TRIO: variants seen among roughly 807,000 people sequenced by gnomAD.
TRIO encodes the protein trio Rho guanine nucleotide exchange factor.
In TRIO, 58 loss-of-function variants were observed where a neutral mutation model predicts 351.9. The ratio of observed to expected loss-of-function variants is 0.16; its 90% CI spans 0.13 to 0.21. The LOEUF (loss-of-function observed/expected upper bound fraction) is 0.21, where lower values mean the gene tolerates loss of function less well. TRIO is among the 10% of genes least tolerant of loss of function. TRIO has a pLI of 1.00. For synonymous variants in TRIO, 1,758 were observed against 1,595.7 expected, an observed-to-expected ratio of 1.10 and a Z score of -2.42; for missense variants, 3,201 against 4,027.8, an observed-to-expected ratio of 0.79 and a Z score of 5.56.
At chr5:14,381,099 C>T (rs377547652) in intron 20 of TRIO, 31 bp from the exon 21 acceptor site, 4 of 1,605,968 alleles carry the variant, frequency 2.5e-6, no homozygotes, top group African/African-American at 2.7e-5. Context: ...ATGTGTAGCC[C>T]TCTGACTCCA....
chr5:14,166,723 C>T (rs1788785814), intron 1 of TRIO, among the ~76,000 whole-genome samples: 1 of 152,142 alleles, frequency 6.6e-6, no homozygotes, highest in Non-Finnish European at 1.5e-5. Context: ...GACGTGGTAA[C>T]TATTGAGCCA....
In TRIO at chr5:14,207,332, A is replaced by T. The variant is rs1460053436; in HGVS notation, c.157+63450A>T. On this transcript the variant is annotated intron_variant, in intron 1 of 56. Coordinates refer to ENST00000344204, the MANE Select transcript of TRIO (RefSeq NM_007118.4). ...AAGACTGTCTCTCACACACACACACACACACACACACACACACACACACAC... is the reference window on the plus strand; with the variant it reads ...AAGACTGTCTCTCACACACACACACTCACACACACACACACACACACACAC... Among the ~76,000 whole-genome samples, 9 of 65,600 alleles carry T rather than the reference A, an allele frequency of 1.4e-4. 2 individuals are homozygous for T. The highest frequency in any genetic ancestry group is 7.7e-3 in the Middle Eastern group (1 of 130). 43.0% of individuals were successfully genotyped at this position (65,600 alleles called of 152,430 possible).
At chr5:14,455,957 C>G (rs779737840) in intron 34 of TRIO, among the ~76,000 whole-genome samples, 1 of 152,228 alleles carries the variant, frequency 6.6e-6, no homozygotes, top group Admixed American at 6.5e-5. Flanking sequence ...TGCGTGGGAG[C>G]CCACCGCAGT....
rs77092330 is a variant in TRIO, at chr5:14,287,189, T to C, written c.540+126T>C. ...ACAGGAGCTGCATATCTTACGAACA[T>C]GTGATACGTAAAATTAGTTACTGCA... On this transcript the variant is annotated intron_variant, in intron 4 of 56. Transcript: ENST00000344204. The C allele has an allele frequency of 1.3e-3, 1,176 of 891,344 alleles. 15 individuals are homozygous for C. The African/African-American group carries it at 0.018, about 14-fold the overall frequency. The allele number at this position is 891,344 out of a possible 1,614,324, so 55.2% of individuals were successfully genotyped here. A position where few individuals can be genotyped will look rare whatever the true frequency, so the allele number is the denominator to read the frequency against.
intron 6 of TRIO, among the ~76,000 whole-genome samples, chr5:14,295,145 A>G (rs1370209131): frequency 1.3e-5 from 2 of 152,188 alleles, no homozygotes; most frequent in African/African-American, 2.4e-5. Context: ...TTTAACCTTC[A>G]GCCCCTTCTG....
At position 14,508,428 on chromosome 5, in the gene TRIO, C is replaced by G. The variant is rs776564361; in HGVS notation, c.*6C>G. 1 of 1,574,872 alleles carries G rather than the reference C, an allele frequency of 6.3e-7. No homozygotes were observed. The highest frequency in any genetic ancestry group is 8.6e-7 in the Non-Finnish European group (1 of 1,160,450). ...GGCTTCTGCCTAGAGTTTGACCTAT[C>G]CAGAAGTTCTTTCTCATTCTCTTTC... On this transcript the variant is annotated 3_prime_UTR_variant, in exon 57 of 57. Transcript: ENST00000344204.
intron 2 of TRIO, among the ~76,000 whole-genome samples, chr5:14,275,900 TTATA>T (rs967979926): frequency 2.0e-5 from 3 of 147,472 alleles, no homozygotes; most frequent in Middle Eastern, 3.3e-3. Flanking sequence ...ATATATGTGT[TTATA>T]TATATGTCTA....
At chr5:14,409,903 C>T (rs998303587) in intron 33 of TRIO, among the ~76,000 whole-genome samples, 1 of 151,994 alleles carries the variant, frequency 6.6e-6, no homozygotes, top group African/African-American at 2.4e-5. Flanking sequence ...CCTCTCCAGC[C>T]CCGCTCCTGG....
chr5:14,193,210 C>T (rs987239904), intron 1 of TRIO, among the ~76,000 whole-genome samples: 2 of 152,076 alleles, frequency 1.3e-5, no homozygotes, highest in Admixed American at 6.6e-5. Context: ...AGCAATATAT[C>T]GTGACACAAA....
intron 34 of TRIO, among the ~76,000 whole-genome samples, chr5:14,445,641 G>A (rs1304117439): frequency 6.6e-6 from 1 of 152,182 alleles, no homozygotes; most frequent in Non-Finnish European, 1.5e-5. Flanking sequence ...ATCAGCATGA[G>A]AAGACTAGAA....
rs145117120 is a variant in TRIO at position 14,270,946 on chromosome 5, A to G, written c.232+47A>G. The G allele has an allele frequency of 5.6e-4, 766 of 1,358,332 alleles. 3 individuals carry two copies. The African/African-American group carries it at 9.2e-3, about 16-fold the overall frequency. The allele number at this position is 1,358,332 out of a possible 1,614,324, so 84.1% of individuals were successfully genotyped here. On this transcript the variant is annotated intron_variant, in intron 2 of 56. Transcript: ENST00000344204. ...TGCTCTATCCAACTGCTCTGACACA[A>G]TTTCAGAGTCTGACGTAATAAATGA...
At chr5:14,358,583 C>A (rs1403562893) in intron 12 of TRIO, among the ~76,000 whole-genome samples, 2 of 152,134 alleles carry the variant, frequency 1.3e-5, no homozygotes, top group Admixed American at 1.3e-4. Context: ...ATAACATCGA[C>A]TAATAAACCA....
intron 1 of TRIO, among the ~76,000 whole-genome samples, chr5:14,202,237 A>G (rs1015028319): frequency 2.7e-5 from 4 of 150,154 alleles, no homozygotes; most frequent in African/African-American, 9.8e-5. Flanking sequence ...GGCTTGTCCA[A>G]CCCATGGACC....
At chr5:14,234,265 A>G (rs1421286469) in intron 1 of TRIO, among the ~76,000 whole-genome samples, 1 of 152,194 alleles carries the variant, frequency 6.6e-6, no homozygotes, top group Non-Finnish European at 1.5e-5. Context: ...AGTACAGTTC[A>G]GTGGTGATAG....
chr5:14,358,983 G>A (rs1041716068), intron 12 of TRIO, among the ~76,000 whole-genome samples: 6 of 152,134 alleles, frequency 3.9e-5, no homozygotes, highest in Non-Finnish European at 8.8e-5. Flanking sequence ...TTAATTGATT[G>A]CATTAAAGGT....
chr5:14,445,713 A>G (rs1752387802), intron 34 of TRIO, among the ~76,000 whole-genome samples: 1 of 152,208 alleles, frequency 6.6e-6, no homozygotes, highest in Admixed American at 6.5e-5. Flanking sequence ...TATTAGCCCT[A>G]AGGCAACTTC....
At chr5:14,500,490 G>A (rs564822282) in intron 53 of TRIO, among the ~76,000 whole-genome samples, 2 of 152,168 alleles carry the variant, frequency 1.3e-5, no homozygotes, top group Non-Finnish European at 2.9e-5. Flanking sequence ...GAGGCTGGAG[G>A]CATTGGCCCT....
rs751572944 is a variant in TRIO at position 14,487,763 on chromosome 5, C to A, written c.7135C>A (p.Pro2379Thr). ...TSTPGPSLPP[P>T]GAAPEAGPSA... ...CACCCCCGGGCCCTCCCTGCCTCCC[C>A]CTGGCGCGGCCCCCGAGGCCGGCCC... The change falls in exon 48 of 57, where the codon CCT (proline) becomes ACT (threonine). Residue 2379 changes from proline to threonine, a missense_variant. Coordinates refer to ENST00000344204, the MANE Select transcript of TRIO (RefSeq NM_007118.4). The A allele has an allele frequency of 9.5e-6, 13 of 1,375,570 alleles. No individual in the cohort carries two copies. In the African/African-American group the frequency reaches 1.5e-4, roughly 16 times the overall value. The allele number at this position is 1,375,570 out of a possible 1,614,324, so 85.2% of individuals were successfully genotyped here. A position where few individuals can be genotyped will look rare whatever the true frequency, so the allele number is the denominator to read the frequency against.
At chr5:14,174,360 C>T (rs991788504) in intron 1 of TRIO, among the ~76,000 whole-genome samples, 5 of 152,202 alleles carry the variant, frequency 3.3e-5, no homozygotes, top group Admixed American at 6.5e-5. Flanking sequence ...GGAACTGCTG[C>T]GAGTGGGAAC....
Sources: allele counts gnomAD v4.1 joint callset (sites outside exome capture counted in the v4.1 genomes callset), GRCh38; gene constraint gnomAD v4.1.1; transcripts MANE v1.5; gene names NCBI Gene and HGNC (gene_info 2026-07-23, HGNC 2026-07-21).